Variants in DSC2 observed in about 807,000 individuals in gnomAD.
The protein encoded by DSC2 is desmocollin 2, also known as desmocollin-2.
DSC2 carries 51 observed loss-of-function variants against 87.6 expected under a neutral mutation model. That is an observed-to-expected ratio of 0.58 (90% CI 0.46 to 0.74). DSC2 has a LOEUF of 0.74. Ranked by LOEUF, DSC2 falls within the 30% of genes least tolerant of loss-of-function variation. DSC2 has a pLI of 0.00. For missense variants in DSC2, 1,066 were observed against 1,089.5 expected (o/e 0.98, Z 0.30); for synonymous variants, 383 against 393.2 (o/e 0.97, Z 0.31).
chr18:31,075,576 C>T (rs1023031847), intron 11 of DSC2, among the ~76,000 whole-genome samples: 4 of 152,138 alleles, frequency 2.6e-5, no homozygotes, highest in Admixed American at 2.0e-4. Flanking sequence ...ATAGACGGGG[C>T]ACAGTGGCTC....
chr18:31,094,023 T>C (rs1418734012), intron 1 of DSC2, among the ~76,000 whole-genome samples: 2 of 152,274 alleles, frequency 1.3e-5, no homozygotes, highest in African/African-American at 4.8e-5. Flanking sequence ...CAAAGAGTTA[T>C]GTATGCTCTT....
intron 12 of DSC2, among the ~76,000 whole-genome samples, chr18:31,072,743 T>C (rs1053572932): frequency 6.6e-6 from 1 of 152,202 alleles, no homozygotes; most frequent in African/African-American, 2.4e-5. Context: ...CTCTCCCACA[T>C]AGCTGCCCAG....
At chr18:31,099,101 CA>C (rs1239596312) in intron 1 of DSC2, among the ~76,000 whole-genome samples, 24 of 152,132 alleles carry the variant, frequency 1.6e-4, no homozygotes, top group African/African-American at 5.8e-4. Context: ...ACATCACAGT[CA>C]GTAGAGTGAT....
At chr18:31,075,313 G>C (rs1439188233) in intron 11 of DSC2, among the ~76,000 whole-genome samples, 2 of 152,158 alleles carry the variant, frequency 1.3e-5, no homozygotes, top group African/African-American at 4.8e-5. Context: ...AAACTGACAT[G>C]GAAGCAGGAG....
At position 31,059,762 on chromosome 18, in the gene DSC2, A is replaced by G. The variant is rs1210770821; in HGVS notation, c.*8253T>C. 1 of 152,116 alleles carries G rather than the reference A, an allele frequency of 6.6e-6. No individual in the cohort carries two copies. The highest frequency in any genetic ancestry group is 1.5e-5 in the Non-Finnish European group (1 of 68,012). The allele number at this position is 152,116 out of a possible 1,614,324, so 9.4% of individuals were successfully genotyped here. The stretch of plus-strand genomic sequence containing the variant: ...AATGTGAGATTATAATAATTTGGAA[A>G]CCTATCCTAGTTTTAAAATACTACT... On this transcript the variant is annotated 3_prime_UTR_variant, in exon 16 of 16. Coordinates refer to ENST00000280904, the MANE Select transcript of DSC2 (RefSeq NM_024422.6).
Position 31,068,954 on chromosome 18 carries a change from C to T in DSC2, c.2448G>A (p.Val816=). Residue 816 remains valine, a synonymous_variant, in exon 15 of 16, where the codon GTG becomes GTA. Coordinates refer to ENST00000280904, the MANE Select transcript of DSC2 (RefSeq NM_024422.6). ...LDSCRGGHTE[V]DNCRYTYSEW... ...CCGAGTAAGTGTATCTGCAGTTGTCCACCTCCGTGTGTCCTCCCCTGCAGG... is the reference window on the plus strand; with the variant it reads ...CCGAGTAAGTGTATCTGCAGTTGTCTACCTCCGTGTGTCCTCCCCTGCAGG... The T allele has an allele frequency of 6.2e-7, 1 of 1,614,084 alleles. No homozygotes were observed. The highest frequency in any genetic ancestry group is 1.1e-5 in the South Asian group (1 of 91,072).
chr18:31,075,547 T>C (rs1166337059), intron 11 of DSC2, among the ~76,000 whole-genome samples: 1 of 152,198 alleles, frequency 6.6e-6, no homozygotes, highest in East Asian at 1.9e-4. Flanking sequence ...TATCTGTATA[T>C]TCAATAGAAA....
At chr18:31,098,119 T>A (rs1456207168) in intron 1 of DSC2, among the ~76,000 whole-genome samples, 1 of 152,194 alleles carries the variant, frequency 6.6e-6, no homozygotes, top group African/African-American at 2.4e-5. Flanking sequence ...TAGAGGTGTT[T>A]TTTCGCCATG....
Position 31,092,047 on chromosome 18 carries a change from T to C in DSC2, c.354+54A>G, listed in dbSNP as rs1987616563. ...TGATTTCATATCTTCCCTGGTAATG[T>C]TGATTACGTCTGAAGAAAAGATATC... On this transcript the variant is annotated intron_variant, in intron 3 of 15. Transcript: ENST00000280904. 4 of 1,541,788 alleles carry C rather than the reference T, an allele frequency of 2.6e-6. No individual in the cohort carries two copies. The Admixed American group carries it at 5.2e-5, about 20-fold the overall frequency.
At chr18:31,082,199 A>G (rs143641992) in intron 9 of DSC2, 39 bp downstream of exon 9, 1 of 1,564,976 alleles carries the variant, frequency 6.4e-7, no homozygotes, top group Non-Finnish European at 8.8e-7. Flanking sequence ...CTATTCTATG[A>G]TATTATAAAC....
chr18:31,075,904 T>A (rs772235291), intron 11 of DSC2, among the ~76,000 whole-genome samples: 2 of 151,848 alleles, frequency 1.3e-5, no homozygotes, highest in Non-Finnish European at 2.9e-5. Flanking sequence ...ACTTACAGGA[T>A]GACGACTTTA....
intron 11 of DSC2, among the ~76,000 whole-genome samples, chr18:31,078,071 T>C (rs1438429793): frequency 6.6e-6 from 1 of 151,986 alleles, no homozygotes; most frequent in Non-Finnish European, 1.5e-5. Flanking sequence ...GAGGAAGCAA[T>C]TGCTGCGGAG....
At chr18:31,097,101 T>G (rs1447203143) in intron 1 of DSC2, among the ~76,000 whole-genome samples, 1 of 151,088 alleles carries the variant, frequency 6.6e-6, no homozygotes, top group African/African-American at 2.4e-5. Flanking sequence ...GCTAACACGG[T>G]GAAACCCTGT....
At chr18:31,093,854 AT>A (rs1987684746) in intron 1 of DSC2, among the ~76,000 whole-genome samples, 1 of 149,896 alleles carries the variant, frequency 6.7e-6, no homozygotes, top group Non-Finnish European at 1.5e-5. Context: ...TATATTTATA[AT>A]TATATGTGAT....
chr18:31,083,497 C>T (rs748848138), intron 7 of DSC2, among the ~76,000 whole-genome samples: 33 of 152,220 alleles, frequency 2.2e-4, no homozygotes, highest in Non-Finnish European at 3.8e-4. Context: ...TTTAAAATTG[C>T]CTGGTAATTA....
intron 7 of DSC2, 136 bp downstream of exon 7, chr18:31,086,440 T>C (rs1440853789): frequency 1.1e-5 from 11 of 1,047,284 alleles, no homozygotes; most frequent in Non-Finnish European, 1.4e-5. Context: ...TTTAGTGATC[T>C]CTATTAACAT....
In DSC2 at chr18:31,089,484, CA is replaced by C; in HGVS notation, c.584del (p.Leu195CysfsTer7). On this transcript the variant is annotated frameshift_variant, in exon 5 of 16. Coordinates refer to ENST00000280904, the MANE Select transcript of DSC2 (RefSeq NM_024422.6). LOFTEE classifies it high-confidence loss of function. ...LFYVERDTGN[L>X]YCTRPVDREQ... Reference sequence around the variant, plus strand: ...CACGATCTACAGGACGAGTACAATACAAGTTTCCAGTGTCTCTCTCCACATA... The same window carrying C: ...CACGATCTACAGGACGAGTACAATACAGTTTCCAGTGTCTCTCTCCACATA... 6.2e-7 allele frequency: 1 copy of C among 1,613,900 alleles called. No homozygotes were observed. The highest frequency in any genetic ancestry group is 2.2e-5 in the East Asian group (1 of 44,824).
chr18:31,083,295 G>A (rs1275325739), intron 7 of DSC2, among the ~76,000 whole-genome samples: 2 of 152,124 alleles, frequency 1.3e-5, no homozygotes, highest in Admixed American at 6.5e-5. Context: ...GTGCAGTGGT[G>A]TGATCTTGGC....
chr18:31,083,855 A>G (rs558477427), intron 7 of DSC2, among the ~76,000 whole-genome samples: 215 of 152,334 alleles, frequency 1.4e-3, no homozygotes, highest in African/African-American at 4.9e-3. Context: ...TTCATTTATC[A>G]TAAGTGATTG....
Sources: gnomAD v4.1 joint callset for allele counts (sites outside exome capture counted in the v4.1 genomes callset) on GRCh38, gnomAD v4.1.1 for gene constraint, MANE v1.5 for transcripts, NCBI Gene and HGNC (gene_info 2026-07-23, HGNC 2026-07-21) for gene names.